Variants in NTNG1 observed in about 807,000 individuals in gnomAD.
NTNG1 encodes netrin-G1.
NTNG1 carries 16 observed loss-of-function variants against 54.0 expected under a neutral mutation model. That is an observed-to-expected ratio of 0.30 (90% CI 0.20 to 0.45). The LOEUF (loss-of-function observed/expected upper bound fraction) is 0.45. Among genes scored for constraint, NTNG1 ranks in the 20% least tolerant of loss-of-function variants. The pLI, the probability that NTNG1 is intolerant of heterozygous loss-of-function variation, is 1.00. For synonymous variants in NTNG1, 255 were observed against 263.1 expected (o/e 0.97, Z 0.30); for missense variants, 530 against 678.7 (o/e 0.78, Z 2.43).
intron 2 of NTNG1, among the ~76,000 whole-genome samples, chr1:107,274,874 A>T (rs1400589066): frequency 6.6e-6 from 1 of 152,210 alleles, no homozygotes; most frequent in Non-Finnish European, 1.5e-5. Context: ...GTGTCAGCTT[A>T]GACACTTTTG....
intron 2 of NTNG1, among the ~76,000 whole-genome samples, chr1:107,198,740 G>A (rs549035793): frequency 6.6e-6 from 1 of 151,910 alleles, no homozygotes; most frequent in Admixed American, 6.6e-5. Flanking sequence ...TTCTCATTAT[G>A]TAAAATGAGA....
intron 7 of NTNG1, among the ~76,000 whole-genome samples, chr1:107,458,004 C>A (rs1252640416): frequency 6.6e-6 from 1 of 152,068 alleles, no homozygotes; most frequent in Non-Finnish European, 1.5e-5. Context: ...AGGCTGTTTC[C>A]CATTAAAAGT....
chr1:107,350,625 T>C (rs942518097), intron 3 of NTNG1, among the ~76,000 whole-genome samples: 2 of 152,146 alleles, frequency 1.3e-5, no homozygotes, highest in African/African-American at 4.8e-5. Context: ...ATAAGGAAAG[T>C]GTAATGCATA....
intron 3 of NTNG1, among the ~76,000 whole-genome samples, chr1:107,355,408 C>A (rs977418429): frequency 1.3e-5 from 2 of 151,894 alleles, no homozygotes; most frequent in Admixed American, 6.5e-5. Flanking sequence ...TTTCCCAATT[C>A]TTTAAATAAT....
At chr1:107,475,578 C>G (rs1054109205) in intron 7 of NTNG1, among the ~76,000 whole-genome samples, 1 of 152,184 alleles carries the variant, frequency 6.6e-6, no homozygotes, top group South Asian at 2.1e-4. Flanking sequence ...AATTCAAGTA[C>G]TTAGTCACCT....
chr1:107,165,783 G>A (rs538462613), intron 2 of NTNG1, among the ~76,000 whole-genome samples: 1 of 152,136 alleles, frequency 6.6e-6, no homozygotes, highest in African/African-American at 2.4e-5. Context: ...CTTATTTCCA[G>A]TGACTTTGCC....
intron 2 of NTNG1, among the ~76,000 whole-genome samples, chr1:107,170,243 G>A (rs141596629): frequency 5.9e-5 from 9 of 152,204 alleles, no homozygotes; most frequent in South Asian, 4.2e-4. Context: ...GGCTTCTTAC[G>A]TAAAAATAAC....
intron 2 of NTNG1, among the ~76,000 whole-genome samples, chr1:107,291,933 G>A (rs1158667609): frequency 6.6e-6 from 1 of 151,772 alleles, no homozygotes; most frequent in African/African-American, 2.4e-5. Flanking sequence ...CTTAATAAAA[G>A]AACTCTTTCA....
chr1:107,402,676 T>A (rs555187969), intron 4 of NTNG1, among the ~76,000 whole-genome samples: 1 of 152,244 alleles, frequency 6.6e-6, no homozygotes, highest in East Asian at 1.9e-4. Context: ...GCATCTCCTA[T>A]CAACAGCAGT....
intron 2 of NTNG1, among the ~76,000 whole-genome samples, chr1:107,277,686 G>A (rs1007076444): frequency 2.6e-5 from 4 of 152,110 alleles, no homozygotes; most frequent in African/African-American, 7.2e-5. Context: ...TAGTTTTTTG[G>A]ATCTTACAGT....
rs750536299 is a variant in NTNG1 at position 107,318,131 on chromosome 1, G to A, written c.247-6151G>A. On this transcript the variant is annotated intron_variant, in intron 2 of 7. Coordinates refer to ENST00000370068, the MANE Select transcript of NTNG1 (RefSeq NM_001113226.3). ...ATCCCACAGTCTGAAAATATTTAATGGAAAATTCCAGAGATAAAATAATTC... is the reference window on the plus strand; with the variant it reads ...ATCCCACAGTCTGAAAATATTTAATAGAAAATTCCAGAGATAAAATAATTC... Among the ~76,000 whole-genome samples the A allele has an allele frequency of 5.9e-5, 9 of 152,170 alleles. No homozygotes were observed. In the South Asian group the frequency reaches 1.9e-3, roughly 32 times the overall value.
chr1:107,179,977 C>G (rs536209570), intron 2 of NTNG1, among the ~76,000 whole-genome samples: 1 of 152,206 alleles, frequency 6.6e-6, no homozygotes, highest in South Asian at 2.1e-4. Flanking sequence ...TTTAAAACTC[C>G]GGTGTACACA....
chr1:107,307,704 C>A (rs975847568), intron 2 of NTNG1, among the ~76,000 whole-genome samples: 1 of 152,182 alleles, frequency 6.6e-6, no homozygotes, highest in South Asian at 2.1e-4. Context: ...AGTGCTAATG[C>A]TCCCATTCAT....
chr1:107,143,449 A>C (rs1000418973), intron 1 of NTNG1: 2 of 152,252 alleles, frequency 1.3e-5, no homozygotes, highest in East Asian at 3.9e-4. Context: ...ACCATTACAC[A>C]TTTATTTGAT....
At chr1:107,236,017 T>G (rs1661388919) in intron 2 of NTNG1, among the ~76,000 whole-genome samples, 1 of 152,058 alleles carries the variant, frequency 6.6e-6, no homozygotes, top group Non-Finnish European at 1.5e-5. Flanking sequence ...AATCTCAAAG[T>G]CAAGAAGGAA....
intron 2 of NTNG1, among the ~76,000 whole-genome samples, chr1:107,199,311 G>A (rs1175449085): frequency 2.1e-5 from 3 of 140,430 alleles, no homozygotes; most frequent in Non-Finnish European, 4.6e-5. Flanking sequence ...CTGGAATTTG[G>A]CACACATTAC....
At chr1:107,168,993 T>G (rs748142387) in intron 2 of NTNG1, among the ~76,000 whole-genome samples, 7 of 152,178 alleles carry the variant, frequency 4.6e-5, no homozygotes, top group Non-Finnish European at 7.4e-5. Flanking sequence ...ATAGTTAAAA[T>G]AAAACTAACC....
chr1:107,195,002 T>G (rs376524108), intron 2 of NTNG1, among the ~76,000 whole-genome samples: 4 of 152,122 alleles, frequency 2.6e-5, no homozygotes, highest in African/African-American at 9.6e-5. Context: ...GAAGCTGTGG[T>G]CTTCTTACAT....
At chr1:107,300,885 A>G (rs1329514477) in intron 2 of NTNG1, among the ~76,000 whole-genome samples, 1 of 152,218 alleles carries the variant, frequency 6.6e-6, no homozygotes, top group Non-Finnish European at 1.5e-5. Context: ...TTTAAAATGT[A>G]TGTCAGCAAA....
Sources: allele counts gnomAD v4.1 joint callset (sites outside exome capture counted in the v4.1 genomes callset), GRCh38; gene constraint gnomAD v4.1.1; transcripts MANE v1.5; gene names NCBI Gene and HGNC (gene_info 2026-07-23, HGNC 2026-07-21).